Variants in NELL2 observed in about 807,000 individuals in gnomAD.
NELL2 encodes the protein neural EGFL like 2.
Under a neutral mutation model 109.6 loss-of-function variants are expected in NELL2, and 41 were observed. The ratio of observed to expected loss-of-function variants is 0.37; its 90% CI spans 0.29 to 0.49. NELL2 has a LOEUF of 0.49. Among genes scored for constraint, NELL2 ranks in the 20% least tolerant of loss-of-function variants. The pLI is 0.98. For missense variants in NELL2, 900 were observed against 1,008.3 expected (o/e 0.89, Z 1.45); for synonymous variants, 355 against 344.7 (o/e 1.03, Z -0.33).
At chr12:44,819,634 C>T (rs1214041278) in intron 2 of NELL2, among the ~76,000 whole-genome samples, 1 of 152,140 alleles carries the variant, frequency 6.6e-6, no homozygotes, top group Non-Finnish European at 1.5e-5. Context: ...TATGAGGACT[C>T]CATCCAGCTT....
At chr12:44,701,558 T>C (rs943804692) in intron 12 of NELL2, among the ~76,000 whole-genome samples, 3 of 152,140 alleles carry the variant, frequency 2.0e-5, no homozygotes, top group Admixed American at 2.0e-4. Flanking sequence ...CTTAACTTCT[T>C]TCCTGTCTCA....
intron 12 of NELL2, among the ~76,000 whole-genome samples, chr12:44,668,379 G>T (rs1948011928): frequency 1.3e-5 from 2 of 152,222 alleles, no homozygotes; most frequent in African/African-American, 4.8e-5. Context: ...GAGACCTCAG[G>T]ACTGGCCATG....
intron 12 of NELL2, among the ~76,000 whole-genome samples, chr12:44,686,658 G>A (rs1948726686): frequency 1.3e-5 from 2 of 151,338 alleles, no homozygotes; most frequent in South Asian, 4.1e-4. Flanking sequence ...CTGCAGGTCT[G>A]TTGGAGTACC....
intron 9 of NELL2, among the ~76,000 whole-genome samples, chr12:44,728,542 T>C (rs1458899404): frequency 1.3e-5 from 2 of 151,978 alleles, no homozygotes; most frequent in Non-Finnish European, 2.9e-5. Flanking sequence ...AAGAAGAAGA[T>C]AGAAAAAGGC....
rs1185243212 is a variant in NELL2 at position 44,876,231 on chromosome 12, C to T, written c.-362G>A. 2.6e-6 allele frequency: 3 copies of T among 1,168,332 alleles called. No individual in the cohort carries two copies. Among genetic ancestry groups the T allele is most frequent in the Non-Finnish European group, 3.2e-6 (3 of 945,110 alleles). 72.4% of individuals were successfully genotyped at this position (1,168,332 alleles called of 1,614,324 possible). On this transcript the variant is annotated 5_prime_UTR_variant, in exon 1 of 20. Coordinates refer to ENST00000429094, the MANE Select transcript of NELL2 (RefSeq NM_001145108.2). ...ACTCGCACACCCGGTAGAAGGGGGG[C>T]GGCCCCAAGAAAGCCCGGGCTGGGG...
intron 13 of NELL2, among the ~76,000 whole-genome samples, chr12:44,644,327 T>C (rs1233577291): frequency 1.3e-5 from 2 of 151,906 alleles, no homozygotes; most frequent in Non-Finnish European, 2.9e-5. Flanking sequence ...TTTTGTATAA[T>C]AAATCTGAGA....
At chr12:44,665,688 A>G in intron 12 of NELL2, 79 bp from the exon 13 acceptor site, 2 of 1,424,186 alleles carry the variant, frequency 1.4e-6, no homozygotes, top group Non-Finnish European at 1.9e-6. Context: ...TGGTAGGGAG[A>G]GGGAAGTATT....
intron 13 of NELL2, among the ~76,000 whole-genome samples, chr12:44,651,687 C>T (rs1169779211): frequency 1.3e-5 from 2 of 152,030 alleles, no homozygotes; most frequent in African/African-American, 4.8e-5. Flanking sequence ...GTAAAATCTC[C>T]ATGGTTTAAG....
intron 9 of NELL2, among the ~76,000 whole-genome samples, chr12:44,753,498 C>T (rs1292641507): frequency 6.6e-6 from 1 of 152,078 alleles, no homozygotes; most frequent in Admixed American, 6.6e-5. Context: ...CGCAGCAAAG[C>T]AAAATATGGA....
intron 12 of NELL2, among the ~76,000 whole-genome samples, chr12:44,697,690 C>T (rs1168241485): frequency 1.3e-5 from 2 of 152,102 alleles, no homozygotes; most frequent in East Asian, 3.9e-4. Flanking sequence ...ACAATAAATT[C>T]ATCAGGAAAT....
intron 9 of NELL2, among the ~76,000 whole-genome samples, chr12:44,724,982 T>A (rs181261490): frequency 4.2e-4 from 64 of 152,206 alleles, no homozygotes; most frequent in African/African-American, 1.4e-3. Context: ...AACTATCTGA[T>A]CTTCAACAAA....
chr12:44,574,128 A>G (rs1943976370), intron 15 of NELL2, among the ~76,000 whole-genome samples: 1 of 151,040 alleles, frequency 6.6e-6, no homozygotes, highest in South Asian at 2.1e-4. Flanking sequence ...TAGTGGTGTG[A>G]TCTCAGATCA....
intron 19 of NELL2, among the ~76,000 whole-genome samples, chr12:44,519,782 T>A (rs2074665877): frequency 6.6e-6 from 1 of 152,104 alleles, no homozygotes; most frequent in African/African-American, 2.4e-5. Flanking sequence ...AAATAACGGA[T>A]CATTCTGGTT....
At chr12:44,818,725 A>ATTTTTTTTTTTTTTTTTTTTTTTTTT (rs1409987918) in intron 2 of NELL2, among the ~76,000 whole-genome samples, 1 of 72,146 alleles carries the variant, frequency 1.4e-5, no homozygotes, top group Non-Finnish European at 2.5e-5. Context: ...TTGTTCACTT[A>ATTTTTTTTTTTTTTTTTTTTTTTTTT]TTTTTTTTTT....
At chr12:44,830,167 T>C (rs1416802200) in intron 2 of NELL2, among the ~76,000 whole-genome samples, 2 of 152,190 alleles carry the variant, frequency 1.3e-5, no homozygotes, top group African/African-American at 2.4e-5. Context: ...AAAATATTTT[T>C]ACATCTATAA....
intron 13 of NELL2, among the ~76,000 whole-genome samples, chr12:44,612,456 C>T (rs1945656377): frequency 6.6e-6 from 1 of 151,058 alleles, no homozygotes; most frequent in African/African-American, 2.4e-5. Context: ...CTGAATAACC[C>T]AAAATTGTAC....
At chr12:44,921,686 G>A (rs1161185052) in intron 1 of NELL2, 1 of 152,186 alleles carries the variant, frequency 6.6e-6, no homozygotes, top group Non-Finnish European at 1.5e-5. Flanking sequence ...ACAAGGTGGT[G>A]TTTGATAGGA....
intron 3 of NELL2, among the ~76,000 whole-genome samples, chr12:44,785,178 T>G (rs951004956): frequency 5.3e-5 from 8 of 152,172 alleles, no homozygotes; most frequent in Non-Finnish European, 2.9e-5. Flanking sequence ...GCATCTTCAG[T>G]AAAGTCTCAG....
intron 13 of NELL2, among the ~76,000 whole-genome samples, chr12:44,633,419 A>T (rs890406605): frequency 6.6e-6 from 1 of 152,128 alleles, no homozygotes; most frequent in African/African-American, 2.4e-5. Flanking sequence ...TGAAATCCAT[A>T]GAACCCCCTT....
Sources: gnomAD v4.1 joint callset for allele counts (sites outside exome capture counted in the v4.1 genomes callset) on GRCh38, gnomAD v4.1.1 for gene constraint, MANE v1.5 for transcripts, NCBI Gene and HGNC (gene_info 2026-07-23, HGNC 2026-07-21) for gene names.